LYN: variants seen among roughly 807,000 people sequenced by gnomAD.
The protein encoded by LYN is LYN proto-oncogene, Src family tyrosine kinase.
Under a neutral mutation model 65.0 loss-of-function variants are expected in LYN, and 12 were observed. That is an observed-to-expected ratio of 0.18 (90% confidence interval 0.12 to 0.30). LYN has a LOEUF of 0.30. LYN is among the 10% of genes least tolerant of loss of function. The pLI is 1.00. For missense variants in LYN, 380 were observed against 623.2 expected (o/e 0.61, Z 4.16); for synonymous variants, 222 against 221.2 (o/e 1.00, Z -0.03).
At chr8:55,885,834 C>T (rs930215208) in intron 1 of LYN, among the ~76,000 whole-genome samples, 3 of 152,176 alleles carry the variant, frequency 2.0e-5, no homozygotes, top group African/African-American at 7.2e-5. Flanking sequence ...CTTCCTCCAC[C>T]CCAGGCCCCT....
intron 1 of LYN, among the ~76,000 whole-genome samples, chr8:55,940,885 G>A (rs1806590753): frequency 6.6e-6 from 1 of 152,156 alleles, no homozygotes; most frequent in African/African-American, 2.4e-5. Flanking sequence ...TTCTTGCCAT[G>A]GTGGCTTTCC....
At chr8:55,887,614 ATTT>A (rs66536728) in intron 1 of LYN, among the ~76,000 whole-genome samples, 44 of 124,638 alleles carry the variant, frequency 3.5e-4, no homozygotes, top group Admixed American at 1.2e-3. Flanking sequence ...ATATATATAT[ATTT>A]TTTTTTTCCT....
intron 1 of LYN, among the ~76,000 whole-genome samples, chr8:55,902,351 G>A (rs1585577489): frequency 1.5e-5 from 2 of 135,518 alleles, no homozygotes; most frequent in Non-Finnish European, 3.1e-5. Flanking sequence ...TTTTTGAGAT[G>A]GAATTTCGCT....
chr8:55,950,406 T>C lies in LYN; in HGVS notation c.285-53T>C, dbSNP rs1585630713. On this transcript the variant is annotated intron_variant, in intron 4 of 12. Coordinates refer to ENST00000519728, the MANE Select transcript of LYN (RefSeq NM_002350.4). Reference sequence around the variant, plus strand: ...GGGATATCTGTGATATTTTGATACATGCATGGAGTATGTAATCTTTTAGCT... The same window carrying C: ...GGGATATCTGTGATATTTTGATACACGCATGGAGTATGTAATCTTTTAGCT... The C allele has an allele frequency of 7.1e-6, 8 of 1,131,380 alleles. No homozygotes were observed. The East Asian group carries it at 1.2e-4, about 17-fold the overall frequency. 70.1% of individuals were successfully genotyped at this position (1,131,380 alleles called of 1,614,324 possible).
chr8:55,977,013 G>C (rs578096855), intron 10 of LYN, among the ~76,000 whole-genome samples: 1 of 151,772 alleles, frequency 6.6e-6, no homozygotes, highest in African/African-American at 2.4e-5. Context: ...GGTGAAACCC[G>C]GTCTCTACTA....
chr8:55,896,016 T>C (rs953393427), intron 1 of LYN, among the ~76,000 whole-genome samples: 12 of 152,200 alleles, frequency 7.9e-5, no homozygotes, highest in East Asian at 1.9e-4. Flanking sequence ...TTCATTCTTC[T>C]CAAAATGTTA....
chr8:55,937,527 G>C (rs1369043960), intron 1 of LYN, among the ~76,000 whole-genome samples: 1 of 152,164 alleles, frequency 6.6e-6, no homozygotes, highest in Non-Finnish European at 1.5e-5. Context: ...AGTCATGCTA[G>C]CGGGAACATC....
chr8:55,903,816 C>T (rs1227484544), intron 1 of LYN, among the ~76,000 whole-genome samples: 1 of 152,104 alleles, frequency 6.6e-6, no homozygotes, highest in Admixed American at 6.5e-5. Flanking sequence ...GAGTTTGACA[C>T]CAGCCTGGGC....
intron 10 of LYN, among the ~76,000 whole-genome samples, chr8:55,981,503 T>A (rs1343868269): frequency 1.3e-5 from 2 of 152,180 alleles, no homozygotes; most frequent in Non-Finnish European, 2.9e-5. Context: ...TAGAAGAACA[T>A]ATTTTTTGTG....
intron 8 of LYN, among the ~76,000 whole-genome samples, chr8:55,960,588 G>A (rs1262296944): frequency 6.6e-6 from 1 of 152,040 alleles, no homozygotes; most frequent in Non-Finnish European, 1.5e-5. Context: ...ATAGACTGAA[G>A]GATACTCCCT....
In LYN at chr8:55,966,325, A is replaced by G. The variant is rs761098275; in HGVS notation, c.791-390A>G. ...TTAACTCAGGCTTTTTCTATCTGTAATTAAATTTTTTGCTAACTCTGCATC... is the reference window on the plus strand; with the variant it reads ...TTAACTCAGGCTTTTTCTATCTGTAGTTAAATTTTTTGCTAACTCTGCATC... On this transcript the variant is annotated intron_variant, in intron 8 of 12. Coordinates refer to ENST00000519728, the MANE Select transcript of LYN (RefSeq NM_002350.4). Among the ~76,000 whole-genome samples, 145 of 151,872 alleles carry G rather than the reference A, an allele frequency of 9.5e-4. 1 individual carries two copies. The highest frequency in any genetic ancestry group is 1.7e-3 in the Non-Finnish European group (118 of 67,970).
chr8:56,013,772 C>G lies in LYN; in HGVS notation c.*3662C>G, dbSNP rs893221603. The G allele has an allele frequency of 1.3e-5, 2 of 152,256 alleles. No individual in the cohort carries two copies. Among genetic ancestry groups the G allele is most frequent in the Admixed American group, 1.3e-4 (2 of 15,286 alleles). The allele number at this position is 152,256 out of a possible 1,614,324, so 9.4% of individuals were successfully genotyped here. Reference sequence around the variant, plus strand: ...GTCGGACATCTCCTGCTTCCTCAGCCAAGAACACCTCTCAGATGAGATCAA... The same window carrying G: ...GTCGGACATCTCCTGCTTCCTCAGCGAAGAACACCTCTCAGATGAGATCAA... On this transcript the variant is annotated 3_prime_UTR_variant, in exon 13 of 13. Transcript: ENST00000519728.
intron 1 of LYN, among the ~76,000 whole-genome samples, chr8:55,938,630 G>C (rs981922261): frequency 6.6e-6 from 1 of 152,030 alleles, no homozygotes; most frequent in Admixed American, 6.6e-5. Context: ...CTGGTTTTCT[G>C]GTTTTATTTT....
intron 10 of LYN, among the ~76,000 whole-genome samples, chr8:55,972,648 T>C (rs1373772864): frequency 1.3e-5 from 2 of 152,210 alleles, no homozygotes; most frequent in African/African-American, 4.8e-5. Context: ...CTGCATTATC[T>C]TACCTTTCCT....
At chr8:55,889,857 C>G (rs994652025) in intron 1 of LYN, among the ~76,000 whole-genome samples, 7 of 152,104 alleles carry the variant, frequency 4.6e-5, no homozygotes, top group African/African-American at 1.7e-4. Context: ...GCTGGCCTTG[C>G]TAGCCTCAGA....
rs190641760 is a variant in LYN, at chr8:55,956,750, C to G, written c.790+2766C>G. Among the ~76,000 whole-genome samples the G allele has an allele frequency of 3.2e-4, 49 of 152,344 alleles. No individual in the cohort carries two copies. The East Asian group carries it at 5.8e-3, about 18-fold the overall frequency. On this transcript the variant is annotated intron_variant, in intron 8 of 12. Transcript: ENST00000519728. ...GGCTCACGTCAAGATCCAGGGACTT[C>G]TGCGTTCTCTTCCCGGCTTCTCCGT...
Position 55,941,837 on chromosome 8 carries a change from A to G in LYN, c.-5-18A>G, listed in dbSNP as rs2130473861. 1.9e-6 allele frequency: 3 copies of G among 1,607,634 alleles called. No homozygotes were observed. Among genetic ancestry groups the G allele is most frequent in the South Asian group, 1.1e-5 (1 of 90,844 alleles). On this transcript the variant is annotated intron_variant, in intron 1 of 12. Coordinates refer to ENST00000519728, the MANE Select transcript of LYN (RefSeq NM_002350.4). The stretch of plus-strand genomic sequence containing the variant: ...TCTGGAATGGTAAAACAATGTCATT[A>G]CTTTTATGTTTCAACAGGAAATATG...
intron 1 of LYN, among the ~76,000 whole-genome samples, chr8:55,939,059 A>G (rs1250317198): frequency 6.6e-6 from 1 of 152,230 alleles, no homozygotes; most frequent in African/African-American, 2.4e-5. Flanking sequence ...GGAACATGTA[A>G]CCACTCTCAG....
At chr8:55,964,709 A>G (rs997592851) in intron 8 of LYN, among the ~76,000 whole-genome samples, 1 of 152,234 alleles carries the variant, frequency 6.6e-6, no homozygotes, top group African/African-American at 2.4e-5. Flanking sequence ...TCTCCTGGAA[A>G]AAAGAAAGAG....
Sources: allele counts gnomAD v4.1 joint callset (sites outside exome capture counted in the v4.1 genomes callset), GRCh38; gene constraint gnomAD v4.1.1; transcripts MANE v1.5; gene names NCBI Gene and HGNC (gene_info 2026-07-23, HGNC 2026-07-21).